Variants in MAML3 observed in about 807,000 individuals in gnomAD.
MAML3 encodes mastermind-like protein 3.
In MAML3, 27 loss-of-function variants were observed where a neutral mutation model predicts 101.9. The observed-to-expected ratio is 0.27, with a 90% CI of 0.20 to 0.37. The LOEUF (loss-of-function observed/expected upper bound fraction) is 0.37, where lower values mean the gene tolerates loss of function less well. Among genes scored for constraint, MAML3 ranks in the 10% least tolerant of loss-of-function variants. The probability of loss-of-function intolerance (pLI) is 1.00; values close to 1 mark genes in which losing one functional copy is unlikely to be tolerated. For missense variants in MAML3, 1,316 were observed against 1,444.9 expected (o/e 0.91, Z 1.45); for synonymous variants, 501 against 555.9 (o/e 0.90, Z 1.39).
intron 2 of MAML3, among the ~76,000 whole-genome samples, chr4:139,788,461 C>T (rs984823494): frequency 6.6e-6 from 1 of 152,194 alleles, no homozygotes; most frequent in Non-Finnish European, 1.5e-5. Flanking sequence ...CTTTTCTCCT[C>T]GCTGTCTCCA....
intron 1 of MAML3, among the ~76,000 whole-genome samples, chr4:140,147,116 A>G (rs1729077089): frequency 7.6e-6 from 1 of 131,614 alleles, no homozygotes; most frequent in Admixed American, 8.2e-5. Context: ...CTGACGGCAG[A>G]GTGAGACTCC....
At position 140,154,083 on chromosome 4, in the gene MAML3, G is replaced by A. The variant is rs1265043106; in HGVS notation, c.-756C>T. ...GGCTGCCGCTGCCGCCGCTGCTCCT[G>A]CCACCATCACAATGATCAACTGCTC... is the stretch of plus-strand genomic sequence containing the variant. On this transcript the variant is annotated 5_prime_UTR_variant, in exon 1 of 5. Transcript: ENST00000509479. 1.2e-5 allele frequency: 2 copies of A among 173,060 alleles called. No individual in the cohort carries two copies. The highest frequency in any genetic ancestry group is 1.8e-4 in the East Asian group (1 of 5,714). 10.7% of individuals were successfully genotyped at this position (173,060 alleles called of 1,614,324 possible). A position where few individuals can be genotyped will look rare whatever the true frequency, so the allele number is the denominator to read the frequency against.
At chr4:140,021,505 G>A (rs1012532194) in intron 1 of MAML3, among the ~76,000 whole-genome samples, 1 of 152,048 alleles carries the variant, frequency 6.6e-6, no homozygotes, top group African/African-American at 2.4e-5. Context: ...CAATTTATAA[G>A]GTTCAAAGTA....
In MAML3 at chr4:140,010,535, G is replaced by T. The variant is rs564430688; in HGVS notation, c.469-119568C>A. ...TTAGAACCAAGAAGTTTTATTTAAAGAAATACTATTTAAGTGCATTGCTAA... is the reference window on the plus strand; with the variant it reads ...TTAGAACCAAGAAGTTTTATTTAAATAAATACTATTTAAGTGCATTGCTAA... On this transcript the variant is annotated intron_variant, in intron 1 of 4. Coordinates refer to ENST00000509479, the MANE Select transcript of MAML3 (RefSeq NM_018717.5). Among the ~76,000 whole-genome samples, 5 of 152,230 alleles carry T rather than the reference G, an allele frequency of 3.3e-5. No individual in the cohort carries two copies. The East Asian group carries it at 9.6e-4, about 29-fold the overall frequency.
rs1283800503 is a variant in MAML3, at chr4:139,875,838, A to G, written c.2079+13519T>C. 2.7e-5 allele frequency among the ~76,000 whole-genome samples: 4 copies of G among 150,510 alleles called. No homozygotes were observed. The Admixed American group carries it at 2.7e-4, about 10-fold the overall frequency. On this transcript the variant is annotated intron_variant, in intron 2 of 4. Transcript: ENST00000509479. ...CCTGGCCAGGCGGAGGGCACTGGAAAGCACTAATTCATTCCATCCAGTGTA... is the reference window on the plus strand; with the variant it reads ...CCTGGCCAGGCGGAGGGCACTGGAAGGCACTAATTCATTCCATCCAGTGTA...
At chr4:139,948,381 G>T (rs1733771536) in intron 1 of MAML3, among the ~76,000 whole-genome samples, 1 of 152,194 alleles carries the variant, frequency 6.6e-6, no homozygotes, top group Admixed American at 6.5e-5. Context: ...ATATTTAACT[G>T]CCTCTTGGGC....
At chr4:139,872,234 T>A (rs1429627693) in intron 2 of MAML3, among the ~76,000 whole-genome samples, 1 of 152,218 alleles carries the variant, frequency 6.6e-6, no homozygotes, top group African/African-American at 2.4e-5. Flanking sequence ...TTAATCCAGC[T>A]TTTAGTAGAG....
intron 2 of MAML3, among the ~76,000 whole-genome samples, chr4:139,837,634 G>T (rs968417512): frequency 1.3e-5 from 2 of 151,776 alleles, no homozygotes; most frequent in African/African-American, 2.4e-5. Flanking sequence ...CTATTATAAG[G>T]ATAGGCCAGG....
At chr4:139,793,190 C>T (rs1299394737) in intron 2 of MAML3, among the ~76,000 whole-genome samples, 1 of 152,174 alleles carries the variant, frequency 6.6e-6, no homozygotes, top group Non-Finnish European at 1.5e-5. Context: ...ACACCTCCCT[C>T]CAGCCCCTCT....
intron 1 of MAML3, among the ~76,000 whole-genome samples, chr4:139,944,968 T>C (rs958156489): frequency 3.3e-5 from 5 of 151,550 alleles, no homozygotes; most frequent in African/African-American, 1.2e-4. Flanking sequence ...CAAATGACTA[T>C]AAATCATGCT....
intron 1 of MAML3, among the ~76,000 whole-genome samples, chr4:139,914,237 G>A (rs1406367388): frequency 1.3e-5 from 2 of 152,164 alleles, no homozygotes; most frequent in Non-Finnish European, 2.9e-5. Context: ...GCTATGTGAA[G>A]CATCTTTATA....
chr4:139,854,635 G>A (rs1313110290), intron 2 of MAML3, among the ~76,000 whole-genome samples: 1 of 151,832 alleles, frequency 6.6e-6, no homozygotes, highest in African/African-American at 2.4e-5. Context: ...CTCAATGCTG[G>A]TTTAGGCCTG....
At chr4:140,098,247 GT>G (rs1728193675) in intron 1 of MAML3, among the ~76,000 whole-genome samples, 1 of 152,140 alleles carries the variant, frequency 6.6e-6, no homozygotes, top group African/African-American at 2.4e-5. Context: ...AAGGGCAAAG[GT>G]TTTTTGAATC....
At chr4:140,109,658 G>C (rs969716061) in intron 1 of MAML3, among the ~76,000 whole-genome samples, 1 of 152,198 alleles carries the variant, frequency 6.6e-6, no homozygotes, top group Non-Finnish European at 1.5e-5. Context: ...ATAACAGAAA[G>C]CTTTCCTTCA....
At position 139,874,217 on chromosome 4, in the gene MAML3, G is replaced by C. The variant is rs550535549; in HGVS notation, c.2079+15140C>G. Among the ~76,000 whole-genome samples, 8 of 152,210 alleles carry C rather than the reference G, an allele frequency of 5.3e-5. No homozygotes were observed. In the South Asian group the frequency reaches 1.7e-3, roughly 32 times the overall value. ...AGAGTCTAACAGACCTCTAGAGTTA[G>C]GAGTGGGGAGTGGCTAGATTATGTC... On this transcript the variant is annotated intron_variant, in intron 2 of 4. Transcript: ENST00000509479.
intron 1 of MAML3, among the ~76,000 whole-genome samples, chr4:140,049,510 G>C (rs996242480): frequency 2.6e-5 from 4 of 152,188 alleles, no homozygotes; most frequent in African/African-American, 4.8e-5. Context: ...ACAGAGGAGG[G>C]GGGAAGAGAG....
chr4:139,773,630 G>A (rs1357604807), intron 2 of MAML3, among the ~76,000 whole-genome samples: 1 of 152,208 alleles, frequency 6.6e-6, no homozygotes, highest in Non-Finnish European at 1.5e-5. Context: ...TACAGAAGAT[G>A]AGCCTGTGCA....
At chr4:140,072,670 C>CAA (rs11351354) in intron 1 of MAML3, among the ~76,000 whole-genome samples, 3 of 111,950 alleles carry the variant, frequency 2.7e-5, no homozygotes, top group Non-Finnish European at 3.9e-5. Context: ...AACTCCGTCT[C>CAA]AAAAAAAAAA....
intron 1 of MAML3, among the ~76,000 whole-genome samples, chr4:140,145,068 T>G (rs1433754080): frequency 6.6e-6 from 1 of 152,224 alleles, no homozygotes; most frequent in East Asian, 1.9e-4. Context: ...CCAGGTTGAA[T>G]CTACACAAAT....
Sources: allele counts gnomAD v4.1 joint callset (sites outside exome capture counted in the v4.1 genomes callset), GRCh38; gene constraint gnomAD v4.1.1; transcripts MANE v1.5; gene names NCBI Gene and HGNC (gene_info 2026-07-23, HGNC 2026-07-21).